The following CASC3 variants were observed in gnomAD, a reference collection of about 807,000 sequenced individuals.
CASC3 encodes CASC3 exon junction complex subunit, also known as protein CASC3.
CASC3 carries 30 observed loss-of-function variants against 80.5 expected under a neutral mutation model. The observed-to-expected ratio is 0.37, with a 90% CI of 0.28 to 0.51. CASC3 has a LOEUF of 0.51. Among genes scored for constraint, CASC3 ranks in the 20% least tolerant of loss-of-function variants. The pLI is 0.94. For missense variants in CASC3, 824 were observed against 922.2 expected, an observed-to-expected ratio of 0.89 and a Z score of 1.38; for synonymous variants, 312 against 333.6, an observed-to-expected ratio of 0.94 and a Z score of 0.70.
intron 3 of CASC3, among the ~76,000 whole-genome samples, chr17:40,149,401 C>T (rs1239117596): frequency 1.3e-5 from 2 of 151,334 alleles, no homozygotes; most frequent in Non-Finnish European, 2.9e-5. Context: ...GTTCATGCCA[C>T]TGTGCCTGGC....
chr17:40,167,981 G>T (rs780350499), intron 10 of CASC3, 33 bp downstream of exon 10: 38 of 1,580,382 alleles, frequency 2.4e-5, no homozygotes, highest in Middle Eastern at 1.7e-4. Flanking sequence ...TATGCTTCCA[G>T]TACCTGAGGA....
Position 40,140,637 on chromosome 17 carries a change from T to C in CASC3, c.89T>C (p.Leu30Ser). The stretch of plus-strand genomic sequence containing the variant: ...GGCTCCGACAGCGGCGGCTCCCCGT[T>C]GCGGGGAGGCGGGAGCTGCAGCGGT... ...ASGSDSGGSP[L>S]RGGGSCSGSA... Residue 30 changes from leucine (L) to serine (S), a missense_variant, in exon 1 of 14, where the codon TTG (leucine) becomes TCG (serine). Coordinates refer to ENST00000264645, the MANE Select transcript of CASC3 (RefSeq NM_007359.5). The C allele has an allele frequency of 1.2e-6, 2 of 1,607,894 alleles. No homozygotes were observed. Among genetic ancestry groups the C allele is most frequent in the Non-Finnish European group, 1.7e-6 (2 of 1,178,806 alleles).
intron 3 of CASC3, among the ~76,000 whole-genome samples, chr17:40,153,093 A>G (rs1335925972): frequency 1.3e-5 from 2 of 152,126 alleles, no homozygotes; most frequent in South Asian, 2.1e-4. Flanking sequence ...ATTATTAACT[A>G]TGGTTACCAT....
At chr17:40,158,376 A>G (rs1200332431) in intron 3 of CASC3, among the ~76,000 whole-genome samples, 2 of 152,146 alleles carry the variant, frequency 1.3e-5, no homozygotes, top group African/African-American at 4.8e-5. Context: ...GTGTACATAC[A>G]TCTACCAGGT....
chr17:40,166,871 G>A lies in CASC3; in HGVS notation c.1536+10G>A. ...CCGGATGGAAGAAATGGTACAGAAG[G>A]GGAAAGGGGTAGATGGGGGAGGGAG... On this transcript the variant is annotated intron_variant, in intron 8 of 13. Coordinates refer to ENST00000264645, the MANE Select transcript of CASC3 (RefSeq NM_007359.5). 2 of 1,603,178 alleles carry A rather than the reference G, an allele frequency of 1.2e-6. No homozygotes were observed. Among genetic ancestry groups the A allele is most frequent in the Non-Finnish European group, 1.7e-6 (2 of 1,174,414 alleles).
chr17:40,170,510 A>G lies in CASC3; in HGVS notation c.*105A>G, dbSNP rs1288195760. 31 of 985,478 alleles carry G rather than the reference A, an allele frequency of 3.1e-5. No homozygotes were observed. Among genetic ancestry groups the G allele is most frequent in the Non-Finnish European group, 3.6e-5 (30 of 829,972 alleles). 61.0% of individuals were successfully genotyped at this position (985,478 alleles called of 1,614,324 possible). ...GCTATCTACTACCAGAAGGGCTTCAAAGATATAGGGTGTGGCTCCTACCAG... is the reference window on the plus strand; with the variant it reads ...GCTATCTACTACCAGAAGGGCTTCAGAGATATAGGGTGTGGCTCCTACCAG... On this transcript the variant is annotated 3_prime_UTR_variant, in exon 14 of 14. Coordinates refer to ENST00000264645, the MANE Select transcript of CASC3 (RefSeq NM_007359.5).
At chr17:40,151,267 A>C (rs910997487) in intron 3 of CASC3, among the ~76,000 whole-genome samples, 1 of 152,142 alleles carries the variant, frequency 6.6e-6, no homozygotes, top group Non-Finnish European at 1.5e-5. Flanking sequence ...TCTGGAGTGC[A>C]GTGGCACAAT....
Position 40,162,853 on chromosome 17 carries a change from C to T in CASC3, c.737C>T (p.Ser246Leu). The change falls in exon 6 of 14, where the codon TCA becomes TTA. Residue 246 changes from serine to leucine, a missense_variant. By Grantham distance (145) the Ser-to-Leu change is moderately radical. This residue lies in a region of CASC3 where 201 missense variants were observed against 294.1 expected (regional missense o/e 0.68). Transcript: ENST00000264645. ...GCTCTTTATGGTTATGACATTCGCT[C>T]AGCTCATAATCCTGATGACATCAAA... ...LIALYGYDIRSAHNPDDIKPR... is the reference protein window; with the variant it reads ...LIALYGYDIRLAHNPDDIKPR... 1.2e-6 allele frequency: 2 copies of T among 1,614,034 alleles called. No individual in the cohort carries two copies. Among genetic ancestry groups the T allele is most frequent in the Non-Finnish European group, 8.5e-7 (1 of 1,179,996 alleles).
chr17:40,156,143 T>A (rs1045868921), intron 3 of CASC3, among the ~76,000 whole-genome samples: 16 of 152,166 alleles, frequency 1.1e-4, no homozygotes, highest in Non-Finnish European at 8.8e-5. Flanking sequence ...GTTATTGTAA[T>A]TTCTGCTTGA....
chr17:40,159,544 GTTTT>G (rs368113645), intron 3 of CASC3, among the ~76,000 whole-genome samples: 2 of 112,846 alleles, frequency 1.8e-5, no homozygotes, highest in South Asian at 2.9e-4. Flanking sequence ...TTCATTGTGT[GTTTT>G]TTTTTTTTTT....
At chr17:40,145,414 C>A (rs1053966433) in intron 3 of CASC3, among the ~76,000 whole-genome samples, 1 of 151,948 alleles carries the variant, frequency 6.6e-6, no homozygotes, top group African/African-American at 2.4e-5. Context: ...CGTCGTGATC[C>A]ACCCACCTCG....
chr17:40,142,000 G>A (rs1258037660), intron 3 of CASC3, among the ~76,000 whole-genome samples: 1 of 152,202 alleles, frequency 6.6e-6, no homozygotes, highest in Non-Finnish European at 1.5e-5. Context: ...GATTCGGAAT[G>A]TTTTGTGCCA....
At position 40,171,440 on chromosome 17, in the gene CASC3, TA is replaced by T; in HGVS notation, c.*1036del. On this transcript the variant is annotated 3_prime_UTR_variant, in exon 14 of 14. Transcript: ENST00000264645. Reference sequence around the variant, plus strand: ...ACCAATGCATCTCTTTAAAGGCAAATATTATCCAGCAAGCAGTCTACCCTGT... The same window carrying T: ...ACCAATGCATCTCTTTAAAGGCAAATTTATCCAGCAAGCAGTCTACCCTGT... 1.0e-6 allele frequency: 1 copy of T among 986,256 alleles called. No homozygotes were observed. 61.1% of individuals were successfully genotyped at this position (986,256 alleles called of 1,614,324 possible).
At chr17:40,151,712 AAAG>A (rs955643287) in intron 3 of CASC3, among the ~76,000 whole-genome samples, 20 of 151,614 alleles carry the variant, frequency 1.3e-4, no homozygotes, top group Non-Finnish European at 2.2e-4. Flanking sequence ...AAAAAAAAAA[AAAG>A]GAAGGAAGAA....
In CASC3 at chr17:40,170,794, T is replaced by C; in HGVS notation, c.*389T>C. The C allele has an allele frequency of 1.0e-6, 1 of 985,354 alleles. No homozygotes were observed. The highest frequency in any genetic ancestry group is 4.7e-5 in the South Asian group (1 of 21,284). 61.0% of individuals were successfully genotyped at this position (985,354 alleles called of 1,614,324 possible). A position where few individuals can be genotyped will look rare whatever the true frequency, so the allele number is the denominator to read the frequency against. Reference sequence around the variant, plus strand: ...CCTGTTTGTTTTGTTTTCTAAGATGTTCATTTTTAAAGCCTGGCTTCTTAT... The same window carrying C: ...CCTGTTTGTTTTGTTTTCTAAGATGCTCATTTTTAAAGCCTGGCTTCTTAT... On this transcript the variant is annotated 3_prime_UTR_variant, in exon 14 of 14. Coordinates refer to ENST00000264645, the MANE Select transcript of CASC3 (RefSeq NM_007359.5).
intron 3 of CASC3, among the ~76,000 whole-genome samples, chr17:40,151,555 G>A (rs540126213): frequency 2.6e-5 from 4 of 151,908 alleles, no homozygotes; most frequent in South Asian, 4.2e-4. Context: ...TTAGCCAGGC[G>A]TGGTGGCGTG....
intron 3 of CASC3, among the ~76,000 whole-genome samples, chr17:40,157,945 G>C (rs74462354): frequency 6.6e-6 from 1 of 152,154 alleles, no homozygotes; most frequent in Non-Finnish European, 1.5e-5. Flanking sequence ...TCATCATAAA[G>C]GTCTTCATCA....
intron 3 of CASC3, among the ~76,000 whole-genome samples, chr17:40,151,279 T>G (rs1330773621): frequency 6.6e-6 from 1 of 152,162 alleles, no homozygotes; most frequent in African/African-American, 2.4e-5. Flanking sequence ...TGGCACAATC[T>G]TGGTTCACTG....
intron 8 of CASC3, 100 bp from the exon 9 acceptor site, chr17:40,167,398 C>T: frequency 1.4e-6 from 1 of 723,734 alleles, no homozygotes. Flanking sequence ...CATTAAATAC[C>T]TGCCATGTAC....
Sources: gnomAD v4.1 joint callset for allele counts (sites outside exome capture counted in the v4.1 genomes callset) on GRCh38, gnomAD v4.1.1 for gene constraint, gnomAD v4.1.1 regional missense constraint, MANE v1.5 for transcripts, NCBI Gene and HGNC (gene_info 2026-07-23, HGNC 2026-07-21) for gene names.